CCDC85C: variants seen among roughly 807,000 people sequenced by gnomAD.
CCDC85C encodes coiled-coil domain-containing protein 85C.
CCDC85C carries 18 observed loss-of-function variants against 38.3 expected under a neutral mutation model. That is an observed-to-expected ratio of 0.47 (90% confidence interval 0.33 to 0.70). The LOEUF is 0.70. CCDC85C is among the 30% of genes least tolerant of loss of function. The probability of loss-of-function intolerance (pLI) is 0.03; values close to 1 mark genes in which losing one functional copy is unlikely to be tolerated. For synonymous variants in CCDC85C, 264 were observed against 293.8 expected (o/e 0.90, Z 1.04); for missense variants, 566 against 621.2 (o/e 0.91, Z 0.94).
At chr14:99,550,862 T>A (rs903762063) in intron 1 of CCDC85C, among the ~76,000 whole-genome samples, 30 of 152,164 alleles carry the variant, frequency 2.0e-4, no homozygotes, top group African/African-American at 7.2e-4. Flanking sequence ...ATAACAGGCC[T>A]GGGGTGCCCA....
At position 99,510,146 on chromosome 14, in the gene CCDC85C, C is replaced by A; in HGVS notation, c.*5100G>T. ...GCGGAGGCCGGGCACTGATGCGTCT[C>A]TCTCCTGCAGACCGGAAGCCTCCCC... On this transcript the variant is annotated 3_prime_UTR_variant, in exon 6 of 6. Coordinates refer to ENST00000380243, the MANE Select transcript of CCDC85C (RefSeq NM_001144995.2). 6.3e-7 allele frequency: 1 copy of A among 1,591,582 alleles called. No individual in the cohort carries two copies. The highest frequency in any genetic ancestry group is 8.5e-7 in the Non-Finnish European group (1 of 1,173,072).
At position 99,507,158 on chromosome 14, in the gene CCDC85C, G is replaced by C. The variant is rs1896995949; in HGVS notation, c.*8088C>G. 1 of 1,556,128 alleles carries C rather than the reference G, an allele frequency of 6.4e-7. No individual in the cohort carries two copies. Among genetic ancestry groups the C allele is most frequent in the African/African-American group, 1.4e-5 (1 of 73,662 alleles). On this transcript the variant is annotated 3_prime_UTR_variant, in exon 6 of 6. Coordinates refer to ENST00000380243, the MANE Select transcript of CCDC85C (RefSeq NM_001144995.2). ...CCCACCCACCTCCAGGTAAGCATCT[G>C]CTGAAGCAGCTTGGCCAGCTGTGCA...
rs1897286562 is a variant in CCDC85C at position 99,520,426 on chromosome 14, CG to C, written c.975+1706del. 6.7e-6 allele frequency among the ~76,000 whole-genome samples: 1 copy of C among 150,294 alleles called. No homozygotes were observed. Among genetic ancestry groups the C allele is most frequent in the African/African-American group, 2.5e-5 (1 of 40,812 alleles). ...CCCCCACTCCTGGGGGCCTGCCCGCCGACCAGCCCCGATCACGGCCCCTGCA... is the reference window on the plus strand; with the variant it reads ...CCCCCACTCCTGGGGGCCTGCCCGCCACCAGCCCCGATCACGGCCCCTGCA... On this transcript the variant is annotated intron_variant, in intron 3 of 5. Transcript: ENST00000380243. The surrounding 1 kb of genome is among the most constrained non-coding windows in gnomAD (Gnocchi z 4.1).
Position 99,572,602 on chromosome 14 carries a change from C to A in CCDC85C, c.793+30565G>T. 1 of 448,618 alleles carries A rather than the reference C, an allele frequency of 2.2e-6. No individual in the cohort carries two copies. The highest frequency in any genetic ancestry group is 1.6e-5 in the South Asian group (1 of 63,670). 27.8% of individuals were successfully genotyped at this position (448,618 alleles called of 1,614,324 possible). Reference sequence around the variant, plus strand: ...CTCCGGGAAAGCTCTGACATCTGTCCTTTGCTGGAAACCTTCCAGGGACGA... The same window carrying A: ...CTCCGGGAAAGCTCTGACATCTGTCATTTGCTGGAAACCTTCCAGGGACGA... On this transcript the variant is annotated intron_variant, in intron 1 of 5. Transcript: ENST00000380243. This position sits in a 1 kb window ranked among gnomAD's most constrained non-coding sequence, Gnocchi z 4.4.
At chr14:99,602,647 C>T (rs965447886) in intron 1 of CCDC85C, among the ~76,000 whole-genome samples, 3 of 152,210 alleles carry the variant, frequency 2.0e-5, no homozygotes, top group Non-Finnish European at 4.4e-5. Context: ...CCAACTGCCT[C>T]TGGGTCTCAA....
At chr14:99,567,930 A>G (rs1194619602) in intron 1 of CCDC85C, among the ~76,000 whole-genome samples, 7 of 152,212 alleles carry the variant, frequency 4.6e-5, no homozygotes, top group African/African-American at 1.7e-4. Flanking sequence ...ACAGCCAAAC[A>G]AAGATGCCAG....
chr14:99,525,032 C>T (rs1424568356), intron 2 of CCDC85C, among the ~76,000 whole-genome samples: 3 of 152,242 alleles, frequency 2.0e-5, no homozygotes, highest in African/African-American at 4.8e-5. Context: ...AGGCCCAATC[C>T]GCATTACTCA....
intron 1 of CCDC85C, among the ~76,000 whole-genome samples, chr14:99,564,322 C>A (rs1301850645): frequency 6.6e-6 from 1 of 152,220 alleles, no homozygotes; most frequent in African/African-American, 2.4e-5. Flanking sequence ...CCTCCCCAGA[C>A]CCACAAGATG....
chr14:99,584,333 T>TCG (rs2055005706), intron 1 of CCDC85C, among the ~76,000 whole-genome samples: 1 of 152,162 alleles, frequency 6.6e-6, no homozygotes, highest in Non-Finnish European at 1.5e-5. Flanking sequence ...CCACCAGCGA[T>TCG]AAATCACGTG....
At chr14:99,559,965 C>T (rs1898085908) in intron 1 of CCDC85C, among the ~76,000 whole-genome samples, 1 of 151,908 alleles carries the variant, frequency 6.6e-6, no homozygotes, top group Non-Finnish European at 1.5e-5. Flanking sequence ...TACATTTCCC[C>T]ATCTTCCTAA....
intron 1 of CCDC85C, among the ~76,000 whole-genome samples, chr14:99,552,432 G>A (rs980124996): frequency 1.3e-5 from 2 of 152,352 alleles, no homozygotes; most frequent in South Asian, 2.1e-4. Flanking sequence ...GAGAGCCTGG[G>A]CACAGAGTCA....
chr14:99,568,350 G>A (rs1331967570), intron 1 of CCDC85C, among the ~76,000 whole-genome samples: 3 of 148,874 alleles, frequency 2.0e-5, no homozygotes, highest in Non-Finnish European at 4.4e-5. Context: ...GGGTTCATGC[G>A]CATTTCTAAA....
chr14:99,560,396 C>T (rs1038061976), intron 1 of CCDC85C, among the ~76,000 whole-genome samples: 3 of 152,202 alleles, frequency 2.0e-5, no homozygotes, highest in African/African-American at 7.2e-5. Flanking sequence ...ACACACTCAA[C>T]GAGATCCCTG....
rs963591845 is a variant in CCDC85C, at chr14:99,503,501, G to A, written c.*11745C>T. On this transcript the variant is annotated 3_prime_UTR_variant, in exon 6 of 6. Transcript: ENST00000380243. Reference sequence around the variant, plus strand: ...AGGCTAGAAATAATTTTTGTCCGAGGCTGTTCACAGTGACTGCCGTCGCTG... The same window carrying A: ...AGGCTAGAAATAATTTTTGTCCGAGACTGTTCACAGTGACTGCCGTCGCTG... 1 of 870,260 alleles carries A rather than the reference G, an allele frequency of 1.1e-6. No individual in the cohort carries two copies. The highest frequency in any genetic ancestry group is 1.8e-6 in the Non-Finnish European group (1 of 547,848). The allele number at this position is 870,260 out of a possible 1,614,324, so 53.9% of individuals were successfully genotyped here. A position where few individuals can be genotyped will look rare whatever the true frequency, so the allele number is the denominator to read the frequency against.
intron 1 of CCDC85C, among the ~76,000 whole-genome samples, chr14:99,594,060 G>A (rs1414185954): frequency 3.9e-5 from 6 of 152,004 alleles, no homozygotes; most frequent in South Asian, 2.1e-4. Flanking sequence ...TATTTAACTC[G>A]GTGCCAAGTG....
At position 99,549,932 on chromosome 14, in the gene CCDC85C, G is replaced by A. The variant is rs76929344; in HGVS notation, c.794-13844C>T. Among the ~76,000 whole-genome samples, 93 of 152,318 alleles carry A rather than the reference G, an allele frequency of 6.1e-4. No homozygotes were observed. The East Asian group carries it at 0.012, about 20-fold the overall frequency. On this transcript the variant is annotated intron_variant, in intron 1 of 5. Transcript: ENST00000380243. ...TGCAAACAACACAAGCTGTGTGCCC[G>A]TGAGGGCTGCTGCGATCTCTGTTCA...
At position 99,546,921 on chromosome 14, in the gene CCDC85C, C is replaced by T. The variant is rs370817763; in HGVS notation, c.794-10833G>A. ...CAGTGGCTCATGCCTGTAATCCCAG[C>T]ACTTTGGGAGGCCAATGTGGGAGGA... On this transcript the variant is annotated intron_variant, in intron 1 of 5. Coordinates refer to ENST00000380243, the MANE Select transcript of CCDC85C (RefSeq NM_001144995.2). Among the ~76,000 whole-genome samples, 16 of 152,294 alleles carry T rather than the reference C, an allele frequency of 1.1e-4. No homozygotes were observed. In the South Asian group the frequency reaches 2.9e-3, roughly 28 times the overall value.
At chr14:99,559,783 G>A (rs1595085663) in intron 1 of CCDC85C, among the ~76,000 whole-genome samples, 3 of 152,232 alleles carry the variant, frequency 2.0e-5, no homozygotes, top group East Asian at 3.9e-4. Flanking sequence ...GAGGAAAAAT[G>A]CATCTGATGC....
At chr14:99,553,209 G>C (rs1471930152) in intron 1 of CCDC85C, among the ~76,000 whole-genome samples, 1 of 152,182 alleles carries the variant, frequency 6.6e-6, no homozygotes, top group East Asian at 1.9e-4. Context: ...AGAGGATGCT[G>C]GATAGATTCC....
Sources: allele counts gnomAD v4.1 joint callset (sites outside exome capture counted in the v4.1 genomes callset), GRCh38; gene constraint gnomAD v4.1.1; non-coding constraint Gnocchi (gnomAD v3.1); transcripts MANE v1.5; gene names NCBI Gene and HGNC (gene_info 2026-07-23, HGNC 2026-07-21).